Variants in ZNF410 observed in about 807,000 individuals in gnomAD.
The protein encoded by ZNF410 is zinc finger protein 410, also known as another partner for ARF 1.
Under a neutral mutation model 54.8 loss-of-function variants are expected in ZNF410, and 18 were observed. The observed-to-expected ratio is 0.33, with a 90% CI of 0.23 to 0.49. The LOEUF (loss-of-function observed/expected upper bound fraction) is 0.49, where lower values mean the gene tolerates loss of function less well. Ranked by LOEUF, ZNF410 falls within the 20% of genes least tolerant of loss-of-function variation. The pLI is 0.99. For synonymous variants in ZNF410, 191 were observed against 207.3 expected (o/e 0.92, Z 0.68); for missense variants, 405 against 569.6 (o/e 0.71, Z 2.94).
At position 73,904,899 on chromosome 14, in the gene ZNF410, C is replaced by T; in HGVS notation, c.732-3C>T. The T allele has an allele frequency of 5.0e-6, 8 of 1,609,552 alleles. No individual in the cohort carries two copies. Among genetic ancestry groups the T allele is most frequent in the South Asian group, 1.1e-5 (1 of 90,460 alleles). ...ATTTTTCCTTATGTGATTATTTTTG[C>T]AGAAATGACCGCTCCTTCATCTGTC... On this transcript the variant is annotated splice_region_variant and splice_polypyrimidine_tract_variant and intron_variant, in intron 6 of 11. Transcript: ENST00000555044.
intron 4 of ZNF410, among the ~76,000 whole-genome samples, chr14:73,897,749 G>A (rs965126643): frequency 6.6e-6 from 1 of 151,962 alleles, no homozygotes; most frequent in East Asian, 1.9e-4. Context: ...CGACGTGGGC[G>A]AATCACGAGG....
chr14:73,908,331 C>A (rs2055524076), intron 7 of ZNF410, among the ~76,000 whole-genome samples: 1 of 151,874 alleles, frequency 6.6e-6, no homozygotes, highest in Admixed American at 6.6e-5. Context: ...TTTTTCAGTT[C>A]TTTAGTTCAT....
intron 1 of ZNF410, 64 bp downstream of exon 1, chr14:73,886,979 C>A (rs2055148194): frequency 6.6e-6 from 1 of 152,570 alleles, no homozygotes; most frequent in Non-Finnish European, 1.5e-5. Context: ...GGGCGGGGGC[C>A]AGTACCGGCT....
At chr14:73,896,054 C>T in intron 3 of ZNF410, 4 of 447,890 alleles carry the variant, frequency 8.9e-6, no homozygotes, top group Admixed American at 3.9e-5. Flanking sequence ...CTGTGATGTC[C>T]AAATGTTGAA....
chr14:73,899,660 A>G (rs2140300638), intron 5 of ZNF410, among the ~76,000 whole-genome samples: 1 of 152,286 alleles, frequency 6.6e-6, no homozygotes, highest in Admixed American at 6.5e-5. Context: ...CCTGGGATCC[A>G]GGCCTGGCAC....
intron 10 of ZNF410, 158 bp downstream of exon 10, chr14:73,922,364 T>A (rs925341102): frequency 2.7e-6 from 2 of 743,152 alleles, no homozygotes; most frequent in East Asian, 3.2e-5. Context: ...GATTAGTCAA[T>A]CTGTTTAAAA....
rs1195808387 is a variant in ZNF410 at position 73,918,714 on chromosome 14, T to TCCC, written c.1004-2264_1004-2262dup. Among the ~76,000 whole-genome samples the TCCC allele has an allele frequency of 1.2e-3, 133 of 113,294 alleles. 5 individuals are homozygous for TCCC. The highest frequency in any genetic ancestry group is 4.5e-3 in the Middle Eastern group (1 of 220). 74.3% of individuals were successfully genotyped at this position (113,294 alleles called of 152,430 possible). On this transcript the variant is annotated intron_variant, in intron 8 of 11. Transcript: ENST00000555044. Reference sequence around the variant, plus strand: ...TTTTTTTTTTTTTTTTTTTTTTTTTTCCCCTAAACGGAGTCTTGCTGTCTC... The same window carrying TCCC: ...TTTTTTTTTTTTTTTTTTTTTTTTTTCCCCCCCTAAACGGAGTCTTGCTGTCTC...
At chr14:73,894,082 A>G in intron 3 of ZNF410, 150 bp downstream of exon 3, 2 of 976,286 alleles carry the variant, frequency 2.0e-6, no homozygotes, top group Non-Finnish European at 1.5e-6. Flanking sequence ...CCATGAAATC[A>G]TTAGTGCATT....
In ZNF410 at chr14:73,896,403, G is replaced by A; in HGVS notation, c.257G>A (p.Gly86Glu). 1 of 1,614,178 alleles carries A rather than the reference G, an allele frequency of 6.2e-7. No homozygotes were observed. The highest frequency in any genetic ancestry group is 8.5e-7 in the Non-Finnish European group (1 of 1,180,042). The change falls in exon 4 of 12, where the codon GGA becomes GAA. Residue 86 changes from glycine to glutamate, a missense_variant. By Grantham distance (98) the Gly-to-Glu change is moderately conservative. Around this residue, in one of 3 missense-constraint regions of ZNF410, gnomAD observed 247 missense variants for 342.8 expected, o/e 0.72. Coordinates refer to ENST00000555044, the MANE Select transcript of ZNF410 (RefSeq NM_021188.3). ...CTTCGGGTGAATGTGGGTCCAGACG[G>A]AGAGGAGACGAGAGCTCAGACTGTA... Reference protein sequence around the residue: ...RSLRVNVGPDGEETRAQTVQK... With the variant: ...RSLRVNVGPDEEETRAQTVQK...
chr14:73,899,027 G>A (rs2055365499), intron 5 of ZNF410, among the ~76,000 whole-genome samples: 2 of 152,080 alleles, frequency 1.3e-5, no homozygotes, highest in Admixed American at 6.6e-5. Flanking sequence ...TTTTAGGTCT[G>A]CCTCTGTGTT....
intron 8 of ZNF410, among the ~76,000 whole-genome samples, chr14:73,912,477 C>G (rs535303587): frequency 6.6e-6 from 1 of 152,232 alleles, no homozygotes; most frequent in African/African-American, 2.4e-5. Flanking sequence ...AACCTTTCAC[C>G]TTTTGATTTC....
chr14:73,915,130 CTCA>C (rs2055644258), intron 8 of ZNF410, among the ~76,000 whole-genome samples: 1 of 150,700 alleles, frequency 6.6e-6, no homozygotes, highest in Non-Finnish European at 1.5e-5. Context: ...GGTGTGGTAG[CTCA>C]TGACTGTAAT....
At chr14:73,924,054 A>G (rs1226759829) in intron 11 of ZNF410, among the ~76,000 whole-genome samples, 1 of 152,192 alleles carries the variant, frequency 6.6e-6, no homozygotes, top group East Asian at 1.9e-4. Flanking sequence ...TGCTATGGTC[A>G]TATGTCTGGG....
chr14:73,891,707 T>C (rs1392914602), intron 1 of ZNF410: 12 of 277,982 alleles, frequency 4.3e-5, no homozygotes, highest in East Asian at 8.7e-5. Flanking sequence ...CATTCCCTAA[T>C]TGGGGGTGTG....
chr14:73,906,961 C>T (rs1225736484), intron 7 of ZNF410, among the ~76,000 whole-genome samples: 1 of 151,872 alleles, frequency 6.6e-6, no homozygotes, highest in African/African-American at 2.4e-5. Context: ...ATTATTTCTC[C>T]CTAGATGCCT....
intron 11 of ZNF410, 141 bp from the exon 12 acceptor site, chr14:73,931,362 G>A (rs8004396): frequency 3.0e-6 from 2 of 663,402 alleles, no homozygotes; most frequent in Admixed American, 2.7e-5. Flanking sequence ...GTCCGTGCAT[G>A]TGTTTGCTTT....
chr14:73,911,171 T>C (rs553608542), intron 8 of ZNF410, among the ~76,000 whole-genome samples: 56 of 152,296 alleles, frequency 3.7e-4, no homozygotes, highest in South Asian at 6.2e-4. Flanking sequence ...TTTATTACTT[T>C]TCTCTGCTAC....
At chr14:73,897,593 A>G (rs1374134032) in intron 4 of ZNF410, among the ~76,000 whole-genome samples, 3 of 152,320 alleles carry the variant, frequency 2.0e-5, no homozygotes, top group South Asian at 4.1e-4. Flanking sequence ...ACAAGCCTGT[A>G]GACTAAAGGT....
chr14:73,894,311 G>A, intron 3 of ZNF410: 1 of 701,888 alleles, frequency 1.4e-6, no homozygotes, highest in Non-Finnish European at 2.6e-6. Context: ...GCTACTGACA[G>A]GCCCAGTGAA....
Sources: allele counts gnomAD v4.1 joint callset (sites outside exome capture counted in the v4.1 genomes callset), GRCh38; gene constraint gnomAD v4.1.1; regional missense constraint gnomAD v4.1.1; transcripts MANE v1.5; gene names NCBI Gene and HGNC (gene_info 2026-07-23, HGNC 2026-07-21).